SORBS2: variants seen among roughly 807,000 people sequenced by gnomAD.
The protein encoded by SORBS2 is sorbin and SH3 domain-containing protein 2.
Under a neutral mutation model 97.7 loss-of-function variants are expected in SORBS2, and 46 were observed. That is an observed-to-expected ratio of 0.47 (90% CI 0.37 to 0.60). The LOEUF is 0.60. SORBS2 is among the 20% of genes least tolerant of loss of function. SORBS2 has a pLI of 0.00. For synonymous variants in SORBS2, 476 were observed against 473.4 expected (o/e 1.01, Z -0.07); for missense variants, 1,316 against 1,282.3 (o/e 1.03, Z -0.40).
intron 2 of SORBS2, among the ~76,000 whole-genome samples, chr4:185,732,364 T>A (rs1176414128): frequency 6.6e-6 from 1 of 152,200 alleles, no homozygotes; most frequent in Non-Finnish European, 1.5e-5. Context: ...AGCATGATCA[T>A]AGTACTTAGG....
chr4:185,622,280 G>T (rs2096730692), intron 7 of SORBS2, among the ~76,000 whole-genome samples: 2 of 152,074 alleles, frequency 1.3e-5, no homozygotes, highest in Admixed American at 6.5e-5. Context: ...ATTAAGTAAT[G>T]GAAAAGAGAA....
At chr4:185,718,047 A>G (rs1377998769) in intron 2 of SORBS2, among the ~76,000 whole-genome samples, 1 of 152,188 alleles carries the variant, frequency 6.6e-6, no homozygotes. Context: ...CCTGGCCAAC[A>G]TGGTGCAACC....
chr4:185,737,622 G>A (rs2098696143), intron 2 of SORBS2, among the ~76,000 whole-genome samples: 1 of 152,118 alleles, frequency 6.6e-6, no homozygotes, highest in South Asian at 2.1e-4. Flanking sequence ...CGAGGGGTGG[G>A]GCCGTGAGCA....
intron 1 of SORBS2, among the ~76,000 whole-genome samples, chr4:185,778,276 C>T (rs2099009834): frequency 6.6e-6 from 1 of 152,178 alleles, no homozygotes; most frequent in South Asian, 2.1e-4. Flanking sequence ...TTGCTGGGTC[C>T]ACCCCAGAGC....
chr4:185,953,187 C>T (rs10866288), intron 1 of SORBS2, among the ~76,000 whole-genome samples: 23,664 of 152,164 alleles, frequency 0.16, 2,467 homozygotes, highest in East Asian at 0.58. Flanking sequence ...CAGGGGCGCA[C>T]GCCTGAATCC....
At chr4:185,613,646 CA>C (rs35723770) in intron 11 of SORBS2, among the ~76,000 whole-genome samples, 8,564 of 85,464 alleles carry the variant, frequency 0.1, 197 homozygotes, top group East Asian at 0.23. Context: ...CACTCCATCT[CA>C]AAAAAAAAAA....
In SORBS2 at chr4:185,587,636, C is replaced by T; in HGVS notation, c.3006G>A (p.Lys1002=). The T allele has an allele frequency of 1.9e-6, 3 of 1,613,274 alleles. 1 individual carries two copies. Among genetic ancestry groups the T allele is most frequent in the East Asian group, 4.5e-5 (2 of 44,876 alleles). Reference sequence around the variant, plus strand: ...AAGGAGGGAGCGCAATTCACAGCCTCTTGACGTAGTTTCCGGGGAAAGTAC... The same window carrying T: ...AAGGAGGGAGCGCAATTCACAGCCTTTTGACGTAGTTTCCGGGGAAAGTAC... Residue 1002 remains lysine, a synonymous_variant, in exon 15 of 15, where the codon AAG becomes AAA. Transcript: ENST00000418609.
At chr4:185,693,884 G>A (rs7687563) in intron 2 of SORBS2, among the ~76,000 whole-genome samples, 20,629 of 152,162 alleles carry the variant, frequency 0.14, 3,048 homozygotes, top group African/African-American at 0.35. Flanking sequence ...AAAGAAAGGC[G>A]CCACAAATCC....
At chr4:185,629,633 C>T (rs886274571) in intron 5 of SORBS2, among the ~76,000 whole-genome samples, 3 of 148,018 alleles carry the variant, frequency 2.0e-5, no homozygotes, top group Non-Finnish European at 3.0e-5. Flanking sequence ...GCAATCTCGA[C>T]TCACTGCAAC....
At chr4:185,699,284 C>CTTTTTTTT (rs11435144) in intron 2 of SORBS2, among the ~76,000 whole-genome samples, 4 of 112,572 alleles carry the variant, frequency 3.6e-5, no homozygotes, top group South Asian at 3.2e-4. Context: ...TGAAATGTAC[C>CTTTTTTTT]TTTTTTTTTT....
chr4:185,937,604 A>G (rs191275503), intron 1 of SORBS2, among the ~76,000 whole-genome samples: 2 of 152,322 alleles, frequency 1.3e-5, no homozygotes, highest in East Asian at 3.9e-4. Flanking sequence ...TGAAAGATGC[A>G]TTTAGCAGGG....
At chr4:185,954,206 A>G (rs1006731668) in intron 1 of SORBS2, among the ~76,000 whole-genome samples, 6 of 152,304 alleles carry the variant, frequency 3.9e-5, no homozygotes, top group Non-Finnish European at 7.3e-5. Context: ...CCATTCATCA[A>G]GGTTGCTAAT....
intron 1 of SORBS2, among the ~76,000 whole-genome samples, chr4:185,858,456 T>C (rs1224772525): frequency 6.6e-6 from 1 of 152,210 alleles, no homozygotes; most frequent in Non-Finnish European, 1.5e-5. Context: ...TATTTTTAAA[T>C]CTCACTTTTT....
chr4:185,945,209 G>C (rs1379123063), intron 1 of SORBS2, among the ~76,000 whole-genome samples: 2 of 152,166 alleles, frequency 1.3e-5, no homozygotes, highest in Non-Finnish European at 2.9e-5. Flanking sequence ...ATTTGATTCT[G>C]TCAACTTGTT....
rs141695740 is a variant in SORBS2 at position 185,687,525 on chromosome 4, A to C, written c.-197-8703T>G. Among the ~76,000 whole-genome samples, 12 of 152,370 alleles carry C rather than the reference A, an allele frequency of 7.9e-5. No individual in the cohort carries two copies. The East Asian group carries it at 2.3e-3, about 29-fold the overall frequency. On this transcript the variant is annotated intron_variant, in intron 2 of 20. Coordinates refer to the SORBS2 transcript ENST00000284776. ...AAATGGCTTCTAAGTTGTTAGAACA[A>C]AGTATTTATAAAGTAATTATTAAGT...
intron 2 of SORBS2, among the ~76,000 whole-genome samples, chr4:185,751,581 T>G (rs544936333): frequency 6.6e-6 from 1 of 152,198 alleles, no homozygotes; most frequent in South Asian, 2.1e-4. Context: ...CAGTAGGTCC[T>G]CAGAAGATGG....
chr4:185,896,068 A>G (rs2099244864), intron 1 of SORBS2, among the ~76,000 whole-genome samples: 1 of 152,126 alleles, frequency 6.6e-6, no homozygotes, highest in Admixed American at 6.5e-5. Context: ...CTCATAGGCC[A>G]AAAAAAGCTC....
chr4:185,793,709 A>ATT (rs548566402), intron 1 of SORBS2, among the ~76,000 whole-genome samples: 1 of 151,746 alleles, frequency 6.6e-6, no homozygotes, highest in African/African-American at 2.4e-5. Flanking sequence ...ATCTCTGGGG[A>ATT]TTTTTTTTAT....
intron 2 of SORBS2, among the ~76,000 whole-genome samples, chr4:185,701,379 C>G (rs2098259912): frequency 6.6e-6 from 1 of 152,230 alleles, no homozygotes; most frequent in Non-Finnish European, 1.5e-5. Context: ...GGGACTCAGC[C>G]TGTTCTCCTT....
Sources: gnomAD v4.1 joint callset for allele counts (sites outside exome capture counted in the v4.1 genomes callset) on GRCh38, gnomAD v4.1.1 for gene constraint, MANE v1.5 for transcripts, NCBI Gene and HGNC (gene_info 2026-07-23, HGNC 2026-07-21) for gene names.